Variants in HNF4G observed in about 807,000 individuals in gnomAD.
The protein encoded by HNF4G is hepatocyte nuclear factor 4-gamma.
A neutral mutation model predicts 50.9 loss-of-function variants in HNF4G; 21 were observed. That is an observed-to-expected ratio of 0.41 (90% CI 0.29 to 0.59). HNF4G has a LOEUF of 0.59. HNF4G is among the 20% of genes least tolerant of loss of function. The probability of loss-of-function intolerance (pLI) is 0.26; values close to 1 mark genes in which losing one functional copy is unlikely to be tolerated. For missense variants in HNF4G, 527 were observed against 559.4 expected (o/e 0.94, Z 0.58); for synonymous variants, 198 against 185.6 (o/e 1.07, Z -0.54).
chr8:75,550,978 A>G (rs1478699455), intron 3 of HNF4G, among the ~76,000 whole-genome samples: 1 of 152,174 alleles, frequency 6.6e-6, no homozygotes, highest in Non-Finnish European at 1.5e-5. Flanking sequence ...AAGAAAATGG[A>G]AGTTTCAAAA....
intron 2 of HNF4G, among the ~76,000 whole-genome samples, chr8:75,524,576 A>G (rs562407412): frequency 2.6e-5 from 4 of 152,234 alleles, no homozygotes; most frequent in Non-Finnish European, 5.9e-5. Context: ...ACATTATAAA[A>G]TAAGTATTTT....
intron 1 of HNF4G, among the ~76,000 whole-genome samples, chr8:75,457,149 C>A (rs1339110321): frequency 6.6e-6 from 1 of 152,168 alleles, no homozygotes; most frequent in East Asian, 1.9e-4. Context: ...GCATCTGAAG[C>A]ATTCAGAACA....
rs141224779 is a variant in HNF4G at position 75,461,907 on chromosome 8, A to AAT, written c.-143-28161_-143-28160dup. On this transcript the variant is annotated intron_variant, in intron 1 of 10. Transcript: ENST00000354370. ...ATAAATATATAAATATATAAATATA[A>AAT]ATATATATATATATATATATATTTT... is the stretch of plus-strand genomic sequence containing the variant. Among the ~76,000 whole-genome samples the AAT allele has an allele frequency of 6.1e-3, 176 of 28,948 alleles. 1 individual carries two copies. Among genetic ancestry groups the AAT allele is most frequent in the South Asian group, 0.055 (63 of 1,148 alleles). The allele number at this position is 28,948 out of a possible 152,430, so 19.0% of individuals were successfully genotyped here. A position where few individuals can be genotyped will look rare whatever the true frequency, so the allele number is the denominator to read the frequency against.
intron 4 of HNF4G, 125 bp from the exon 5 acceptor site, chr8:75,552,917 C>T (rs762019918): frequency 3.5e-5 from 20 of 564,934 alleles, no homozygotes; most frequent in African/African-American, 5.7e-5. Context: ...TAGTATTTGT[C>T]AAGATACTGT....
intron 9 of HNF4G, among the ~76,000 whole-genome samples, chr8:75,562,090 T>G (rs1434770190): frequency 2.0e-5 from 3 of 152,172 alleles, no homozygotes; most frequent in Non-Finnish European, 4.4e-5. Flanking sequence ...ATGCATACAC[T>G]TATTGCCTAC....
intron 1 of HNF4G, among the ~76,000 whole-genome samples, chr8:75,417,106 G>T (rs1246229649): frequency 8.3e-6 from 1 of 120,250 alleles, no homozygotes; most frequent in East Asian, 2.2e-4. Context: ...CATGTGCATG[G>T]TCGCACGCGT....
intron 1 of HNF4G, among the ~76,000 whole-genome samples, chr8:75,463,999 C>T (rs1413811087): frequency 1.3e-5 from 2 of 152,020 alleles, no homozygotes; most frequent in African/African-American, 4.8e-5. Context: ...GTCTTGAATT[C>T]CCAACCTCAG....
rs568779846 is a variant in HNF4G, at chr8:75,449,633, T to A, written c.-143-40456T>A. 1.5e-3 allele frequency among the ~76,000 whole-genome samples: 223 copies of A among 150,990 alleles called. 2 individuals carry two copies. In the East Asian group the frequency reaches 0.037, roughly 25 times the overall value. On this transcript the variant is annotated intron_variant, in intron 1 of 10. Coordinates refer to the HNF4G transcript ENST00000354370. ...GCCATTCTCCTGCCTCAGCCTCCCT[T>A]GTAGCTGGGACTACAGGCTCCCGCC...
chr8:75,436,827 T>C (rs937345992), intron 1 of HNF4G, among the ~76,000 whole-genome samples: 6 of 54,312 alleles, frequency 1.1e-4, no homozygotes, highest in Non-Finnish European at 1.8e-4. Context: ...GAGGATCACT[T>C]GAGGCCAGGA....
intron 1 of HNF4G, among the ~76,000 whole-genome samples, chr8:75,441,314 C>G (rs534217883): frequency 7.1e-4 from 108 of 151,506 alleles, no homozygotes; most frequent in Non-Finnish European, 1.2e-3. Context: ...GGCACAGTCT[C>G]TGCACACTGC....
intron 1 of HNF4G, among the ~76,000 whole-genome samples, chr8:75,489,134 C>T (rs1812563231): frequency 6.6e-6 from 1 of 152,202 alleles, no homozygotes; most frequent in Non-Finnish European, 1.5e-5. Context: ...CATATATTCA[C>T]CTGCAGTTAC....
At chr8:75,491,743 T>C (rs933930319) in intron 2 of HNF4G, among the ~76,000 whole-genome samples, 1 of 152,214 alleles carries the variant, frequency 6.6e-6, no homozygotes, top group Non-Finnish European at 1.5e-5. Context: ...CCCAAAGTGC[T>C]AAGATTACAG....
In HNF4G at chr8:75,419,511, G is replaced by A. The variant is rs146370992; in HGVS notation, c.-144+11349G>A. On this transcript the variant is annotated intron_variant, in intron 1 of 10. Coordinates refer to the HNF4G transcript ENST00000354370. ...CCCATTCCGAGGGACACTATCTATG[G>A]TGGCTTCCCCTCTGTCCTGTTTGAA... is the stretch of plus-strand genomic sequence containing the variant. Among the ~76,000 whole-genome samples, 1,180 of 152,310 alleles carry A rather than the reference G, an allele frequency of 7.7e-3. 20 individuals are homozygous for A. Among genetic ancestry groups the A allele is most frequent in the African/African-American group, 0.026 (1,087 of 41,552 alleles).
chr8:75,558,792 C>A lies in HNF4G; in HGVS notation c.887-9C>A. On this transcript the variant is annotated splice_polypyrimidine_tract_variant and intron_variant, in intron 7 of 9. Coordinates refer to ENST00000396423, the MANE Select transcript of HNF4G (RefSeq NM_004133.5). ...AATCTGTACACTGCCTCTCTTATTC[C>A]TTTGTTAGATGCAAAAGGGCTAAGC... is the stretch of plus-strand genomic sequence containing the variant. The A allele has an allele frequency of 6.2e-7, 1 of 1,610,208 alleles. No individual in the cohort carries two copies. The highest frequency in any genetic ancestry group is 1.1e-5 in the South Asian group (1 of 91,008).
intron 1 of HNF4G, among the ~76,000 whole-genome samples, chr8:75,420,132 C>G (rs1810743498): frequency 6.6e-6 from 1 of 151,878 alleles, no homozygotes. Flanking sequence ...CTGTCTTCTC[C>G]TTACACATCT....
chr8:75,468,570 T>C (rs1288722692), intron 1 of HNF4G, among the ~76,000 whole-genome samples: 1 of 152,066 alleles, frequency 6.6e-6, no homozygotes, highest in Non-Finnish European at 1.5e-5. Context: ...GGCATGTGCC[T>C]GTAATCCCAG....
Position 75,558,332 on chromosome 8 carries a change from T to G in HNF4G, c.734-186T>G, listed in dbSNP as rs893734877. Among the ~76,000 whole-genome samples the G allele has an allele frequency of 2.6e-4, 39 of 152,204 alleles. 1 individual carries two copies. The highest frequency in any genetic ancestry group is 2.0e-4 in the Admixed American group (3 of 15,286). On this transcript the variant is annotated intron_variant, in intron 6 of 9. Transcript: ENST00000396423. ...CATGTGATCACATTATTAATGTTCT[T>G]GGTCCTTTAAGCATGCTTAAGTTTT...
At chr8:75,549,522 A>C (rs1585946648) in intron 3 of HNF4G, among the ~76,000 whole-genome samples, 1 of 150,966 alleles carries the variant, frequency 6.6e-6, no homozygotes, top group Non-Finnish European at 1.5e-5. Context: ...TTACTGATTC[A>C]CTCCAACTTA....
Position 75,566,243 on chromosome 8 carries a change from T to C in HNF4G, c.*2147T>C, listed in dbSNP as rs1408180255. ...ACATAAAAGGAAAAAGGTAGCTCTC[T>C]CGAGTCTCTTTAATAAAGATACTAA... is the stretch of plus-strand genomic sequence containing the variant. On this transcript the variant is annotated 3_prime_UTR_variant, in exon 10 of 10. Transcript: ENST00000396423. The C allele has an allele frequency of 6.6e-6, 1 of 152,168 alleles. No homozygotes were observed. The highest frequency in any genetic ancestry group is 2.4e-5 in the African/African-American group (1 of 41,438). 9.4% of individuals were successfully genotyped at this position (152,168 alleles called of 1,614,324 possible).
Sources: gnomAD v4.1 joint callset for allele counts (sites outside exome capture counted in the v4.1 genomes callset) on GRCh38, gnomAD v4.1.1 for gene constraint, MANE v1.5 for transcripts, NCBI Gene and HGNC (gene_info 2026-07-23, HGNC 2026-07-21) for gene names.